The following ZNF764 variants were observed in gnomAD, a reference collection of about 807,000 sequenced individuals.
ZNF764 encodes the protein zinc finger protein 764.
A neutral mutation model predicts 13.9 loss-of-function variants in ZNF764; 10 were observed. The ratio of observed to expected loss-of-function variants is 0.72; its 90% CI spans 0.44 to 1.22. The LOEUF (loss-of-function observed/expected upper bound fraction) is 1.22. Among genes scored for constraint, ZNF764 ranks in the 50% most tolerant of loss-of-function variants. The pLI is 0.00. For missense variants in ZNF764, 647 were observed against 589.7 expected (o/e 1.10, Z -1.01); for synonymous variants, 313 against 255.1 (o/e 1.23, Z -2.16).
chr16:30,557,596 G>A, intron 2 of ZNF764, 137 bp downstream of exon 2: 1 of 1,292,170 alleles, frequency 7.7e-7, no homozygotes, highest in African/African-American at 1.5e-5. Context: ...AGCCACGCAG[G>A]GGCTCAGCCT....
chr16:30,557,867 C>T (rs1257892375), intron 1 of ZNF764, 21 bp from the exon 2 acceptor site: 1 of 1,587,568 alleles, frequency 6.3e-7, no homozygotes, highest in South Asian at 1.1e-5. Flanking sequence ...AGAACGCAAA[C>T]CCCACGCTGC....
Position 30,555,464 on chromosome 16 carries a change from G to C in ZNF764, c.954C>G (p.Asp318Glu), listed in dbSNP as rs1325592133. 1 of 1,559,254 alleles carries C rather than the reference G, an allele frequency of 6.4e-7. No homozygotes were observed. The highest frequency in any genetic ancestry group is 1.4e-5 in the African/African-American group (1 of 73,088). ...AGCTCTGGCGGAAGCAGCGCCCGCA[G>C]TCCGGGCACGGGTAGGGCTTCTCGC... ...HTGEKPYPCPDCGRCFRQSSE... is the reference protein window; with the variant it reads ...HTGEKPYPCPECGRCFRQSSE... Residue 318 changes from aspartate to glutamate, a missense_variant, in exon 3 of 3, where the codon GAC becomes GAG. Transcript: ENST00000395091.
At chr16:30,557,627 C>G in intron 2 of ZNF764, 106 bp downstream of exon 2, 1 of 1,473,902 alleles carries the variant, frequency 6.8e-7, no homozygotes, top group Admixed American at 2.1e-5. Context: ...GTTGAGAAGG[C>G]AGTTCAGAGA....
Position 30,557,836 on chromosome 16 carries a change from G to A in ZNF764, c.207C>T (p.Gly69=). 1.2e-6 allele frequency: 2 copies of A among 1,607,034 alleles called. No individual in the cohort carries two copies. Among genetic ancestry groups the A allele is most frequent in the Non-Finnish European group, 1.7e-6 (2 of 1,176,534 alleles). Residue 69 remains glycine (G), a synonymous_variant, in exon 2 of 3, where the codon GGC becomes GGT. Transcript: ENST00000395091. ...CCCAGGAGATGAGAGCTGGCTTGTTGCCTCCGATTCCTAGGGAAGAAGAAC... is the reference window on the plus strand; with the variant it reads ...CCCAGGAGATGAGAGCTGGCTTGTTACCTCCGATTCCTAGGGAAGAAGAAC... ...YGHLSALGIG[G]NKPALISWVE...
At position 30,558,263 on chromosome 16, in the gene ZNF764, G is replaced by T; in HGVS notation, c.-81C>A. On this transcript the variant is annotated 5_prime_UTR_variant, in exon 1 of 3. Coordinates refer to ENST00000395091, the MANE Select transcript of ZNF764 (RefSeq NM_001172679.2). ...TGCGGAACCTCCTGCGCCCGAGAAA[G>T]CCTCCCCGGCCCGGGCCCAAGGGAA... 7.0e-7 allele frequency: 1 copy of T among 1,426,278 alleles called. No individual in the cohort carries two copies. Among genetic ancestry groups the T allele is most frequent in the Non-Finnish European group, 9.2e-7 (1 of 1,086,686 alleles). 88.4% of individuals were successfully genotyped at this position (1,426,278 alleles called of 1,614,324 possible).
At chr16:30,556,905 G>A (rs949779396) in intron 2 of ZNF764, among the ~76,000 whole-genome samples, 4 of 152,068 alleles carry the variant, frequency 2.6e-5, no homozygotes, top group Non-Finnish European at 5.9e-5. Context: ...GGGAGGCCGA[G>A]GCGGGCAGAT....
chr16:30,558,068 CCT>C lies in ZNF764; in HGVS notation c.113_114del (p.Glu38GlyfsTer133), dbSNP rs1370604807. 1.2e-6 allele frequency: 2 copies of C among 1,612,302 alleles called. No homozygotes were observed. The highest frequency in any genetic ancestry group is 1.7e-6 in the Non-Finnish European group (2 of 1,179,518). On this transcript the variant is annotated frameshift_variant, in exon 1 of 3. Transcript: ENST00000395091. LOFTEE classifies it high-confidence loss of function. ...TGCGCTGGCCGCAAGCAGCCCCACT[CCT>C]CCCGGCAGAAGTACACGGCCACGTC... ...FADVAVYFCR[E>X]EWGCLRPAQR...
Position 30,555,309 on chromosome 16 carries a change from CCCCCGG to C in ZNF764, c.1103_1108del (p.Ala368_Gly369del). The C allele has an allele frequency of 6.2e-7, 1 of 1,610,198 alleles. No homozygotes were observed. The highest frequency in any genetic ancestry group is 8.5e-7 in the Non-Finnish European group (1 of 1,178,416). On this transcript the variant is annotated inframe_deletion, in exon 3 of 3. Transcript: ENST00000395091. ...ACGCCCGGCGACCCGGCCCCTGTGG[CCCCCGG>C]CCCCGGGCCGATGAACCCACTGGTG...
Position 30,555,490 on chromosome 16 carries a change from C to A in ZNF764, c.928G>T (p.Gly310Cys), listed in dbSNP as rs1476566747. 1.9e-6 allele frequency: 3 copies of A among 1,547,640 alleles called. No individual in the cohort carries two copies. Among genetic ancestry groups the A allele is most frequent in the Non-Finnish European group, 2.6e-6 (3 of 1,151,560 alleles). Residue 310 changes from glycine (G) to cysteine (C), a missense_variant, in exon 3 of 3, where the codon GGC becomes TGC. By Grantham distance (159) the Gly-to-Cys change is radical. Coordinates refer to ENST00000395091, the MANE Select transcript of ZNF764 (RefSeq NM_001172679.2). Reference protein sequence around the residue: ...DLRRHVRTHTGEKPYPCPDCG... With the variant: ...DLRRHVRTHTCEKPYPCPDCG... ...TCCGGGCACGGGTAGGGCTTCTCGC[C>A]GGTGTGGGTGCGCACGTGGCGCCGC...
In ZNF764 at chr16:30,558,021, C is replaced by T; in HGVS notation, c.162G>A (p.Val54=). ...RPAQRALYRD[V]MRETYGHLSA... is the part of the protein sequence containing the mutation. ...TCAGGTGGCCGTAGGTCTCCCGCAT[C>T]ACGTCCCGGTACAGGGCCCTCTGCG... The change falls in exon 1 of 3, where the codon GTG becomes GTA. Residue 54 remains valine, a synonymous_variant. Transcript: ENST00000395091. The T allele has an allele frequency of 6.2e-7, 1 of 1,610,864 alleles. No homozygotes were observed. Among genetic ancestry groups the T allele is most frequent in the Non-Finnish European group, 8.5e-7 (1 of 1,178,808 alleles).
rs2051575795 is a variant in ZNF764 at position 30,558,221 on chromosome 16, C to T, written c.-39G>A. On this transcript the variant is annotated 5_prime_UTR_variant, in exon 1 of 3. Transcript: ENST00000395091. ...CCCGACGACGGATCGGCTGCCTCCCCTGGCCTGGCCTGGGCCTGCGGAACC... is the reference window on the plus strand; with the variant it reads ...CCCGACGACGGATCGGCTGCCTCCCTTGGCCTGGCCTGGGCCTGCGGAACC... 6.6e-7 allele frequency: 1 copy of T among 1,504,020 alleles called. No homozygotes were observed. The highest frequency in any genetic ancestry group is 8.8e-7 in the Non-Finnish European group (1 of 1,133,600). 93.2% of individuals were successfully genotyped at this position (1,504,020 alleles called of 1,614,324 possible).
chr16:30,558,009 G>A lies in ZNF764; in HGVS notation c.174C>T (p.Thr58=). The A allele has an allele frequency of 6.2e-7, 1 of 1,608,512 alleles. No homozygotes were observed. Among genetic ancestry groups the A allele is most frequent in the South Asian group, 1.1e-5 (1 of 90,424 alleles). ...CACCGAGAGCGCTCAGGTGGCCGTA[G>A]GTCTCCCGCATCACGTCCCGGTACA... is the stretch of plus-strand genomic sequence containing the variant. ...RALYRDVMRE[T]YGHLSALGIG... The change falls in exon 1 of 3, where the codon ACC becomes ACT. Residue 58 remains threonine (T), a synonymous_variant. Coordinates refer to ENST00000395091, the MANE Select transcript of ZNF764 (RefSeq NM_001172679.2).
At position 30,555,072 on chromosome 16, in the gene ZNF764, C is replaced by A; in HGVS notation, c.*122G>T. ...GCTAAGGGCCCAAGATCAGACTGTC[C>A]GCACCCCAGGGCCAGCTCTTGCCCT... is the stretch of plus-strand genomic sequence containing the variant. On this transcript the variant is annotated 3_prime_UTR_variant, in exon 3 of 3. Coordinates refer to ENST00000395091, the MANE Select transcript of ZNF764 (RefSeq NM_001172679.2). The A allele has an allele frequency of 8.2e-7, 1 of 1,221,230 alleles. No individual in the cohort carries two copies. The allele number at this position is 1,221,230 out of a possible 1,614,324, so 75.6% of individuals were successfully genotyped here. A position where few individuals can be genotyped will look rare whatever the true frequency, so the allele number is the denominator to read the frequency against.
rs1294031260 is a variant in ZNF764, at chr16:30,555,514, G to A, written c.904C>T (p.Arg302Trp). Reference protein sequence around the residue: ...GRAFAYPSDLRRHVRTHTGEK... With the variant: ...GRAFAYPSDLWRHVRTHTGEK... ...CCGGTGTGGGTGCGCACGTGGCGCCGCAGGTCCGAGGGGTAGGCGAAGGCG... is the reference window on the plus strand; with the variant it reads ...CCGGTGTGGGTGCGCACGTGGCGCCACAGGTCCGAGGGGTAGGCGAAGGCG... Residue 302 changes from arginine to tryptophan, a missense_variant, in exon 3 of 3, where the codon CGG (arginine) becomes TGG (tryptophan). Transcript: ENST00000395091. The A allele has an allele frequency of 6.5e-7, 1 of 1,534,656 alleles. No individual in the cohort carries two copies. Among genetic ancestry groups the A allele is most frequent in the African/African-American group, 1.4e-5 (1 of 72,164 alleles).
In ZNF764 at chr16:30,554,884, A is replaced by T; in HGVS notation, c.*310T>A. 2.7e-6 allele frequency: 1 copy of T among 369,322 alleles called. No individual in the cohort carries two copies. The allele number at this position is 369,322 out of a possible 1,614,324, so 22.9% of individuals were successfully genotyped here. On this transcript the variant is annotated 3_prime_UTR_variant, in exon 3 of 3. Coordinates refer to ENST00000395091, the MANE Select transcript of ZNF764 (RefSeq NM_001172679.2). The stretch of plus-strand genomic sequence containing the variant: ...AAAATTTAAAAAGACAATGGGTAAA[A>T]CAAGGTTCTCCTCTACCTCAGTCCT...
In ZNF764 at chr16:30,555,437, C is replaced by T. The variant is rs745530091; in HGVS notation, c.981G>A (p.Ser327=). 7.7e-6 allele frequency: 12 copies of T among 1,555,280 alleles called. No individual in the cohort carries two copies. The East Asian group carries it at 1.4e-4, about 18-fold the overall frequency. ...GGGTGCGCCTGTGGGCTGCCATCTCCGAGCTCTGGCGGAAGCAGCGCCCGC... is the reference window on the plus strand; with the variant it reads ...GGGTGCGCCTGTGGGCTGCCATCTCTGAGCTCTGGCGGAAGCAGCGCCCGC... ...PDCGRCFRQS[S]EMAAHRRTHS... Residue 327 remains serine (S), a synonymous_variant, in exon 3 of 3, where the codon TCG becomes TCA. Transcript: ENST00000395091.
At position 30,555,951 on chromosome 16, in the gene ZNF764, C is replaced by G. The variant is rs775993941; in HGVS notation, c.467G>C (p.Arg156Pro). 7 of 1,611,394 alleles carry G rather than the reference C, an allele frequency of 4.3e-6. No individual in the cohort carries two copies. Among genetic ancestry groups the G allele is most frequent in the Non-Finnish European group, 5.9e-6 (7 of 1,179,648 alleles). Residue 156 changes from arginine to proline, a missense_variant, in exon 3 of 3, where the codon CGG becomes CCG. Arg to Pro is a moderately radical substitution (Grantham distance 103). Transcript: ENST00000395091. ...GWEQLSKAPHRGRPSLCAHPP... is the reference protein window; with the variant it reads ...GWEQLSKAPHPGRPSLCAHPP... ...GTGGGCACAGAGGGAGGGGCGTCCC[C>G]GGTGCGGTGCCTTGGACAGCTGCTC...
In ZNF764 at chr16:30,558,115, G is replaced by A. The variant is rs1403098288; in HGVS notation, c.68C>T (p.Pro23Leu). ...CACGTCCGCGAAGCTCACAGCCCCC[G>A]GCTCCCTCCACTCGGGTCCGGCCCC... ...PNGAGPEWRE[P>L]GAVSFADVAV... Residue 23 changes from proline to leucine, a missense_variant, in exon 1 of 3, where the codon CCG (proline) becomes CTG (leucine). By Grantham distance (98) the Pro-to-Leu change is moderately conservative (BLOSUM62 -3). Transcript: ENST00000395091. 1.9e-6 allele frequency: 3 copies of A among 1,608,806 alleles called. No homozygotes were observed. In the African/African-American group the frequency reaches 4.0e-5, roughly 21 times the overall value.
At position 30,555,043 on chromosome 16, in the gene ZNF764, G is replaced by T; in HGVS notation, c.*151C>A. The T allele has an allele frequency of 1.1e-6, 1 of 885,876 alleles. No homozygotes were observed. Among genetic ancestry groups the T allele is most frequent in the Non-Finnish European group, 1.7e-6 (1 of 600,902 alleles). 54.9% of individuals were successfully genotyped at this position (885,876 alleles called of 1,614,324 possible). ...TGGGGAGCAAGGTGCTGGCAGAGGA[G>T]GCTGCTAAGGGCCCAAGATCAGACT... is the stretch of plus-strand genomic sequence containing the variant. On this transcript the variant is annotated 3_prime_UTR_variant, in exon 3 of 3. Coordinates refer to ENST00000395091, the MANE Select transcript of ZNF764 (RefSeq NM_001172679.2).
Sources: allele counts gnomAD v4.1 joint callset (sites outside exome capture counted in the v4.1 genomes callset), GRCh38; gene constraint gnomAD v4.1.1; transcripts MANE v1.5; gene names NCBI Gene and HGNC (gene_info 2026-07-23, HGNC 2026-07-21).